The following CNTN4 variants were observed in gnomAD, a reference collection of about 807,000 sequenced individuals.
CNTN4 encodes contactin-4.
CNTN4 carries 77 observed loss-of-function variants against 122.5 expected under a neutral mutation model. The ratio of observed to expected loss-of-function variants is 0.63; its 90% CI spans 0.52 to 0.76. The LOEUF is 0.76. Among genes scored for constraint, CNTN4 ranks in the 30% least tolerant of loss-of-function variants. The pLI is 0.00. For missense variants in CNTN4, 1,256 were observed against 1,259.1 expected, an observed-to-expected ratio of 1.00 and a Z score of 0.04; for synonymous variants, 512 against 447.0, an observed-to-expected ratio of 1.15 and a Z score of -1.83.
intron 2 of CNTN4, among the ~76,000 whole-genome samples, chr3:2,242,172 A>G (rs750158113): frequency 1.3e-5 from 2 of 152,162 alleles, no homozygotes; most frequent in Non-Finnish European, 2.9e-5. Flanking sequence ...AGAAATCACA[A>G]AACGATAGAC....
intron 4 of CNTN4, among the ~76,000 whole-genome samples, chr3:2,710,969 A>G (rs1576536005): frequency 6.6e-6 from 1 of 152,202 alleles, no homozygotes; most frequent in South Asian, 2.1e-4. Flanking sequence ...AGCAGGGACA[A>G]TGCGCATTAA....
At chr3:2,824,697 T>C (rs2092950376) in intron 7 of CNTN4, among the ~76,000 whole-genome samples, 1 of 152,196 alleles carries the variant, frequency 6.6e-6, no homozygotes, top group Non-Finnish European at 1.5e-5. Context: ...AGTCTCACTC[T>C]GTCAACCAGG....
At chr3:2,145,297 A>G (rs2035191980) in intron 2 of CNTN4, among the ~76,000 whole-genome samples, 1 of 152,198 alleles carries the variant, frequency 6.6e-6, no homozygotes. Context: ...CCACACATTT[A>G]TCATACCACA....
In CNTN4 at chr3:2,903,528, C is replaced by T. The variant is rs1489900959; in HGVS notation, c.1207+523C>T. Among the ~76,000 whole-genome samples, 8 of 152,336 alleles carry T rather than the reference C, an allele frequency of 5.3e-5. No individual in the cohort carries two copies. The South Asian group carries it at 1.7e-3, about 32-fold the overall frequency. On this transcript the variant is annotated intron_variant, in intron 12 of 24. Coordinates refer to ENST00000418658, the MANE Select transcript of CNTN4 (RefSeq NM_175607.3). The stretch of plus-strand genomic sequence containing the variant: ...TTCTGTTCTGCATACTCACCATCCT[C>T]CCGTCCTCTGCAGGCCACTGGTACA...
At chr3:2,710,145 G>A (rs2675292) in intron 4 of CNTN4, among the ~76,000 whole-genome samples, 9,738 of 152,060 alleles carry the variant, frequency 0.064, 837 homozygotes, top group African/African-American at 0.2. Flanking sequence ...TGAGCATTTC[G>A]GGGCATCACT....
At chr3:2,916,190 T>C (rs1018626209) in intron 12 of CNTN4, among the ~76,000 whole-genome samples, 1 of 152,248 alleles carries the variant, frequency 6.6e-6, no homozygotes, top group Middle Eastern at 3.2e-3. Flanking sequence ...ACTTTTTTTT[T>C]CTTTTTCTTT....
At chr3:2,251,672 G>A (rs527241801) in intron 2 of CNTN4, among the ~76,000 whole-genome samples, 14 of 151,704 alleles carry the variant, frequency 9.2e-5, no homozygotes, top group African/African-American at 3.4e-4. Flanking sequence ...AGTCTCTTAG[G>A]GTGGCATGTT....
At chr3:2,915,620 A>G (rs763249352) in intron 12 of CNTN4, among the ~76,000 whole-genome samples, 9 of 152,330 alleles carry the variant, frequency 5.9e-5, no homozygotes, top group East Asian at 1.9e-4. Flanking sequence ...TTCACTGCTA[A>G]GCATGATGTT....
At chr3:2,555,690 T>C (rs1383777087) in intron 3 of CNTN4, among the ~76,000 whole-genome samples, 1 of 152,134 alleles carries the variant, frequency 6.6e-6, no homozygotes, top group Non-Finnish European at 1.5e-5. Flanking sequence ...CTCTGATGTA[T>C]CAAGGCAGTG....
intron 4 of CNTN4, among the ~76,000 whole-genome samples, chr3:2,576,257 T>G (rs1479861149): frequency 6.6e-6 from 1 of 152,220 alleles, no homozygotes; most frequent in Non-Finnish European, 1.5e-5. Flanking sequence ...TGGCACATAG[T>G]GCAATTCAAT....
At chr3:2,621,089 G>A (rs554281922) in intron 4 of CNTN4, among the ~76,000 whole-genome samples, 1 of 152,242 alleles carries the variant, frequency 6.6e-6, no homozygotes, top group East Asian at 1.9e-4. Context: ...CTGGAAAGTT[G>A]ACTTAGACAG....
intron 4 of CNTN4, among the ~76,000 whole-genome samples, chr3:2,599,248 A>G (rs937020042): frequency 1.3e-5 from 2 of 152,200 alleles, no homozygotes; most frequent in Non-Finnish European, 1.5e-5. Context: ...ATTCTATCAC[A>G]GTTTTAAGGA....
chr3:2,132,556 C>T (rs2034502379), intron 2 of CNTN4: 2 of 152,102 alleles, frequency 1.3e-5, no homozygotes, highest in Admixed American at 1.3e-4. Context: ...CTAATATCCT[C>T]AGAGGTTTCA....
At position 2,988,396 on chromosome 3, in the gene CNTN4, A is replaced by G; in HGVS notation, c.1410A>G (p.Ser470=). The part of the protein sequence containing the change: ...GNLRIINVTK[S]DAGSYTCIAT... The stretch of plus-strand genomic sequence containing the variant: ...TCAGAATCATCAACGTTACTAAATC[A>G]GACGCTGGGAGTTATACCTGTATAG... The change falls in exon 14 of 25, where the codon TCA becomes TCG. Residue 470 remains serine (S), a synonymous_variant. Transcript: ENST00000418658. 6.2e-7 allele frequency: 1 copy of G among 1,613,764 alleles called. No homozygotes were observed. The highest frequency in any genetic ancestry group is 8.5e-7 in the Non-Finnish European group (1 of 1,179,728).
intron 2 of CNTN4, among the ~76,000 whole-genome samples, chr3:2,135,622 G>T (rs151135275): frequency 6.6e-6 from 1 of 151,884 alleles, no homozygotes; most frequent in African/African-American, 2.4e-5. Flanking sequence ...GCTAAAGTGT[G>T]GGGGCAGAGC....
chr3:2,770,582 T>C (rs1204453912), intron 6 of CNTN4, among the ~76,000 whole-genome samples: 1 of 152,236 alleles, frequency 6.6e-6, no homozygotes, highest in Admixed American at 6.5e-5. Context: ...CAGATCTTTC[T>C]TGCCTGGCTT....
chr3:3,043,508 T>G, intron 22 of CNTN4, 84 bp from the exon 23 acceptor site: 1 of 1,066,610 alleles, frequency 9.4e-7, no homozygotes, highest in Non-Finnish European at 1.4e-6. Context: ...TTGCCTCCAC[T>G]CTCGAATTCT....
At chr3:2,664,166 G>T (rs1411288057) in intron 4 of CNTN4, among the ~76,000 whole-genome samples, 1 of 152,298 alleles carries the variant, frequency 6.6e-6, no homozygotes, top group Non-Finnish European at 1.5e-5. Flanking sequence ...ATTGCATGGT[G>T]TATGAACTAT....
chr3:2,606,181 C>T (rs1361821183), intron 4 of CNTN4, among the ~76,000 whole-genome samples: 2 of 152,052 alleles, frequency 1.3e-5, no homozygotes, highest in African/African-American at 2.4e-5. Context: ...CAGTATGGAC[C>T]AGATCACACT....
Sources: gnomAD v4.1 joint callset for allele counts (sites outside exome capture counted in the v4.1 genomes callset) on GRCh38, gnomAD v4.1.1 for gene constraint, MANE v1.5 for transcripts, NCBI Gene and HGNC (gene_info 2026-07-23, HGNC 2026-07-21) for gene names.